FRAS1: variants seen among roughly 807,000 people sequenced by gnomAD.
The protein encoded by FRAS1 is Fraser extracellular matrix complex subunit 1, also known as extracellular matrix organizing protein FRAS1.
In FRAS1, 290 loss-of-function variants were observed where a neutral mutation model predicts 435.2. The ratio of observed to expected loss-of-function variants is 0.67; its 90% confidence interval spans 0.61 to 0.73. The LOEUF is 0.73. FRAS1 is among the 30% of genes least tolerant of loss of function. The pLI is 0.00. For synonymous variants in FRAS1, 1,800 were observed against 1,851.0 expected (o/e 0.97, Z 0.71); for missense variants, 4,860 against 5,001.5 (o/e 0.97, Z 0.85).
At position 78,209,758 on chromosome 4, in the gene FRAS1, A is replaced by T. The variant is rs188335330; in HGVS notation, c.109-27752A>T. Reference sequence around the variant, plus strand: ...TTATTGAAAGGGTCATAGCAGCAGGATCATATTGAAACTGACCTTTGAAAA... The same window carrying T: ...TTATTGAAAGGGTCATAGCAGCAGGTTCATATTGAAACTGACCTTTGAAAA... On this transcript the variant is annotated intron_variant, in intron 2 of 73. Transcript: ENST00000512123. Among the ~76,000 whole-genome samples the T allele has an allele frequency of 1.2e-3, 190 of 152,314 alleles. 1 individual carries two copies. Among genetic ancestry groups the T allele is most frequent in the African/African-American group, 4.4e-3 (183 of 41,570 alleles).
chr4:78,469,401 A>C (rs144359516), intron 50 of FRAS1, among the ~76,000 whole-genome samples: 1 of 152,182 alleles, frequency 6.6e-6, no homozygotes, highest in South Asian at 2.1e-4. Flanking sequence ...TATTACCACA[A>C]ATGCTTTTAT....
intron 9 of FRAS1, among the ~76,000 whole-genome samples, chr4:78,272,699 G>A (rs1294717719): frequency 2.0e-5 from 3 of 152,174 alleles, no homozygotes; most frequent in Non-Finnish European, 2.9e-5. Context: ...GTACTATGCT[G>A]TTTTGGTTAC....
intron 2 of FRAS1, among the ~76,000 whole-genome samples, chr4:78,141,372 T>C (rs1322997882): frequency 6.6e-6 from 1 of 152,210 alleles, no homozygotes; most frequent in East Asian, 1.9e-4. Context: ...GAATGTTTAT[T>C]TGAGATTTCA....
chr4:78,527,749 G>T (rs1721586701), intron 70 of FRAS1, among the ~76,000 whole-genome samples: 1 of 152,152 alleles, frequency 6.6e-6, no homozygotes, highest in South Asian at 2.1e-4. Flanking sequence ...TTGCTATAGA[G>T]GATGCCAGAG....
At chr4:78,129,918 C>A (rs1400022757) in intron 2 of FRAS1, among the ~76,000 whole-genome samples, 1 of 152,150 alleles carries the variant, frequency 6.6e-6, no homozygotes, top group African/African-American at 2.4e-5. Context: ...CTGGCAGCTT[C>A]TTGTTGTTGC....
chr4:78,379,957 A>T lies in FRAS1; in HGVS notation c.3524A>T (p.Glu1175Val). The T allele has an allele frequency of 6.2e-7, 1 of 1,613,714 alleles. No individual in the cohort carries two copies. Among genetic ancestry groups the T allele is most frequent in the South Asian group, 1.1e-5 (1 of 91,002 alleles). ...CGTTTTAGCTGGAAAGATGTGAACG[A>T]GAAGAAAGTGCGTTTTGTGCACAGC... ...AGRFSWKDVN[E>V]KKVRFVHSKE... The change falls in exon 27 of 74, where the codon GAG becomes GTG. Residue 1175 changes from glutamate to valine, a missense_variant. Coordinates refer to ENST00000512123, the MANE Select transcript of FRAS1 (RefSeq NM_025074.7).
chr4:78,436,710 G>A (rs1362645700), intron 38 of FRAS1, among the ~76,000 whole-genome samples: 1 of 151,866 alleles, frequency 6.6e-6, no homozygotes, highest in Non-Finnish European at 1.5e-5. Context: ...TTGCAAAAGA[G>A]TAAAGTCAAC....
intron 2 of FRAS1, among the ~76,000 whole-genome samples, chr4:78,171,541 C>G (rs947591625): frequency 2.0e-5 from 3 of 152,144 alleles, no homozygotes; most frequent in Admixed American, 1.3e-4. Context: ...CCACCTCCAC[C>G]CCCACACCTA....
intron 2 of FRAS1, among the ~76,000 whole-genome samples, chr4:78,174,321 C>T (rs1241457503): frequency 6.6e-6 from 1 of 152,174 alleles, no homozygotes; most frequent in Admixed American, 6.5e-5. Context: ...CCATGGATCT[C>T]TTCCATATTT....
intron 2 of FRAS1, among the ~76,000 whole-genome samples, chr4:78,200,848 A>G (rs1723016549): frequency 7.4e-6 from 1 of 134,838 alleles, no homozygotes; most frequent in Admixed American, 7.2e-5. Flanking sequence ...GAATGTTGTA[A>G]CTTGGTTTTC....
At chr4:78,488,798 A>T (rs1720250655) in intron 58 of FRAS1, 77 bp from the exon 59 acceptor site, 28 of 1,361,946 alleles carry the variant, frequency 2.1e-5, no homozygotes, top group Non-Finnish European at 2.7e-5. Context: ...ATAGCTGCTG[A>T]AGGCTGACAA....
At chr4:78,159,570 T>C (rs917686672) in intron 2 of FRAS1, among the ~76,000 whole-genome samples, 33 of 152,180 alleles carry the variant, frequency 2.2e-4, no homozygotes, top group African/African-American at 8.0e-4. Flanking sequence ...AAGCTTGATA[T>C]GATTTACCTT....
At chr4:78,271,677 G>T (rs544594833) in intron 9 of FRAS1, among the ~76,000 whole-genome samples, 1 of 152,282 alleles carries the variant, frequency 6.6e-6, no homozygotes, top group East Asian at 1.9e-4. Flanking sequence ...GTATTCCATG[G>T]TGTATATGTG....
At chr4:78,273,659 G>A (rs1351406056) in intron 9 of FRAS1, among the ~76,000 whole-genome samples, 2 of 152,226 alleles carry the variant, frequency 1.3e-5, no homozygotes, top group Non-Finnish European at 2.9e-5. Flanking sequence ...TCCCAGGGAT[G>A]AAGCCCACTT....
At chr4:78,278,493 A>G (rs1365836888) in intron 9 of FRAS1, among the ~76,000 whole-genome samples, 162 bp from the exon 10 acceptor site, 2 of 152,214 alleles carry the variant, frequency 1.3e-5, no homozygotes, top group African/African-American at 4.8e-5. Context: ...TACACTTCCT[A>G]TTGGAAGACA....
chr4:78,432,278 C>A, intron 37 of FRAS1, 79 bp from the exon 38 acceptor site: 1 of 1,400,064 alleles, frequency 7.1e-7, no homozygotes. Context: ...ACCTTAAAGT[C>A]CTGAAAACAA....
intron 59 of FRAS1, among the ~76,000 whole-genome samples, chr4:78,491,319 C>T (rs976892875): frequency 6.6e-6 from 1 of 152,220 alleles, no homozygotes; most frequent in African/African-American, 2.4e-5. Context: ...AGGCCAGCAT[C>T]ATCCTGATAT....
intron 2 of FRAS1, among the ~76,000 whole-genome samples, chr4:78,183,424 C>G (rs866483075): frequency 6.6e-6 from 1 of 152,166 alleles, no homozygotes; most frequent in African/African-American, 2.4e-5. Flanking sequence ...TTGGCGTCCC[C>G]GGAAACCACA....
Position 78,385,741 on chromosome 4 carries a change from C to T in FRAS1, c.3648+1598C>T, listed in dbSNP as rs533751556. On this transcript the variant is annotated intron_variant, in intron 28 of 73. Coordinates refer to ENST00000512123, the MANE Select transcript of FRAS1 (RefSeq NM_025074.7). ...CTCTACTGAAAATACAAAAATTAGCCGGGCATGGTGGTGGACACCTGTAAT... is the reference window on the plus strand; with the variant it reads ...CTCTACTGAAAATACAAAAATTAGCTGGGCATGGTGGTGGACACCTGTAAT... 1.3e-4 allele frequency among the ~76,000 whole-genome samples: 19 copies of T among 151,950 alleles called. No individual in the cohort carries two copies. In the East Asian group the frequency reaches 1.9e-3, roughly 16 times the overall value.
Sources: allele counts gnomAD v4.1 joint callset (sites outside exome capture counted in the v4.1 genomes callset), GRCh38; gene constraint gnomAD v4.1.1; transcripts MANE v1.5; gene names NCBI Gene and HGNC (gene_info 2026-07-23, HGNC 2026-07-21).